PSD3: variants seen among roughly 807,000 people sequenced by gnomAD.
The protein encoded by PSD3 is pleckstrin and Sec7 domain containing 3.
In PSD3, 49 loss-of-function variants were observed where a neutral mutation model predicts 105.5. The observed-to-expected ratio is 0.46, with a 90% CI of 0.37 to 0.59. The LOEUF is 0.59. Ranked by LOEUF, PSD3 falls within the 20% of genes least tolerant of loss-of-function variation. The pLI, the probability that PSD3 is intolerant of heterozygous loss-of-function variation, is 0.00. For synonymous variants in PSD3, 557 were observed against 457.8 expected (o/e 1.22, Z -2.77); for missense variants, 1,561 against 1,263.8 (o/e 1.24, Z -3.57).
chr8:18,606,026 A>G (rs964618345), intron 11 of PSD3, among the ~76,000 whole-genome samples: 2 of 152,214 alleles, frequency 1.3e-5, no homozygotes, highest in African/African-American at 4.8e-5. Flanking sequence ...GATGAGTGTG[A>G]GAATGGACTA....
At position 19,057,314 on chromosome 8, in the gene PSD3, G is replaced by C. The variant is rs377062230; in HGVS notation, c.324+26892C>G. Among the ~76,000 whole-genome samples, 179 of 152,156 alleles carry C rather than the reference G, an allele frequency of 1.2e-3. 1 individual carries two copies. The highest frequency in any genetic ancestry group is 4.1e-3 in the African/African-American group (169 of 41,510). ...ACTGCTCTTCAGCCTACTAGAATTTGGTTTCACCCCCATCTTTCCATGGAA... is the reference window on the plus strand; with the variant it reads ...ACTGCTCTTCAGCCTACTAGAATTTCGTTTCACCCCCATCTTTCCATGGAA... On this transcript the variant is annotated intron_variant, in intron 1 of 1. Transcript: ENST00000521475.
intron 11 of PSD3, among the ~76,000 whole-genome samples, chr8:18,601,724 A>G (rs778757627): frequency 6.6e-6 from 1 of 152,256 alleles, no homozygotes; most frequent in Non-Finnish European, 1.5e-5. Flanking sequence ...TCCGTTATAA[A>G]GCAAAAAAGC....
chr8:18,879,051 AACACACACACAC>A (rs59598569), intron 2 of PSD3, among the ~76,000 whole-genome samples: 12 of 138,580 alleles, frequency 8.7e-5, no homozygotes, highest in African/African-American at 1.1e-4. Context: ...CACACACACA[AACACACACACAC>A]ACACACACAC....
chr8:18,816,820 T>C (rs1180559638), intron 4 of PSD3, among the ~76,000 whole-genome samples: 1 of 151,386 alleles, frequency 6.6e-6, no homozygotes, highest in Non-Finnish European at 1.5e-5. Context: ...CATCAACAGA[T>C]GAAAGTCCTT....
chr8:18,832,443 C>T (rs995762851), intron 4 of PSD3, among the ~76,000 whole-genome samples: 2 of 152,082 alleles, frequency 1.3e-5, no homozygotes, highest in African/African-American at 4.8e-5. Flanking sequence ...GGCTTATTGG[C>T]CACACTCCTT....
intron 4 of PSD3, chr8:18,849,133 T>C (rs551700266): frequency 2.2e-4 from 33 of 152,328 alleles, no homozygotes; most frequent in African/African-American, 7.9e-4. Flanking sequence ...TAGGTATTCA[T>C]CTACTTGTTA....
chr8:19,012,991 C>CTAATCGGTGT (rs1489196186), intron 1 of PSD3, among the ~76,000 whole-genome samples: 4 of 152,068 alleles, frequency 2.6e-5, no homozygotes, highest in African/African-American at 9.7e-5. Flanking sequence ...CCCACGTCCT[C>CTAATCGGTGT]TAATCGGTGT....
chr8:18,540,569 T>G (rs1406472292), intron 15 of PSD3, among the ~76,000 whole-genome samples: 1 of 152,212 alleles, frequency 6.6e-6, no homozygotes, highest in African/African-American at 2.4e-5. Context: ...CAGCAGGTTT[T>G]GTCCATCTAT....
intron 4 of PSD3, among the ~76,000 whole-genome samples, chr8:18,849,089 TC>T (rs1230612276): frequency 6.6e-6 from 1 of 152,170 alleles, no homozygotes; most frequent in Non-Finnish European, 1.5e-5. Context: ...CTGCCTCCAG[TC>T]CCGAAGCAGC....
At chr8:18,838,582 A>C (rs1026597427) in intron 4 of PSD3, among the ~76,000 whole-genome samples, 1 of 151,920 alleles carries the variant, frequency 6.6e-6, no homozygotes, top group African/African-American at 2.4e-5. Flanking sequence ...CGGGCGGATC[A>C]TGAGGTCAGG....
At chr8:19,084,776 T>G, upstream of PSD3, 1 of 271,406 alleles carries the variant, frequency 3.7e-6, no homozygotes, top group Non-Finnish European at 7.3e-6. Flanking sequence ...CTGAGCCCTG[T>G]GTGCGCCTGA....
rs1799477974 is a variant in PSD3, at chr8:18,527,660, G to A, written c.*8083C>T. 1 of 152,594 alleles carries A rather than the reference G, an allele frequency of 6.6e-6. No individual in the cohort carries two copies. The highest frequency in any genetic ancestry group is 2.4e-5 in the African/African-American group (1 of 41,428). 9.5% of individuals were successfully genotyped at this position (152,594 alleles called of 1,614,324 possible). ...GCAATTGTAAAATGTAAACTTAATTGTCAAAATATTCTTTAAACACTTTAA... is the reference window on the plus strand; with the variant it reads ...GCAATTGTAAAATGTAAACTTAATTATCAAAATATTCTTTAAACACTTTAA... On this transcript the variant is annotated 3_prime_UTR_variant, in exon 16 of 16. Coordinates refer to ENST00000327040, the MANE Select transcript of PSD3 (RefSeq NM_015310.4).
chr8:18,886,491 G>A (rs187770968), intron 2 of PSD3, among the ~76,000 whole-genome samples: 6 of 152,274 alleles, frequency 3.9e-5, no homozygotes, highest in African/African-American at 1.4e-4. Context: ...CGAAAGACAA[G>A]ACTAGTAAGC....
At chr8:19,053,895 A>G (rs1287033267) in intron 1 of PSD3, among the ~76,000 whole-genome samples, 1 of 152,198 alleles carries the variant, frequency 6.6e-6, no homozygotes, top group African/African-American at 2.4e-5. Context: ...TGAAATTTTG[A>G]TTTTTGTTCA....
intron 11 of PSD3, among the ~76,000 whole-genome samples, chr8:18,625,504 A>G (rs550550351): frequency 3.9e-5 from 6 of 152,266 alleles, no homozygotes; most frequent in African/African-American, 1.4e-4. Context: ...TTTAAACAGC[A>G]CTGTGTTGGC....
In PSD3 at chr8:19,061,866, C is replaced by G. The variant is rs546863624; in HGVS notation, c.324+22340G>C. On this transcript the variant is annotated intron_variant, in intron 1 of 1. Transcript: ENST00000521475. Reference sequence around the variant, plus strand: ...CATGATGAACCCAGCTTAGAATGTTCTCCTTCTTCTTCTTATCCTTATTTT... The same window carrying G: ...CATGATGAACCCAGCTTAGAATGTTGTCCTTCTTCTTCTTATCCTTATTTT... Among the ~76,000 whole-genome samples, 36 of 151,780 alleles carry G rather than the reference C, an allele frequency of 2.4e-4. No homozygotes were observed. In the South Asian group the frequency reaches 7.5e-3, roughly 32 times the overall value.
chr8:18,749,887 T>C (rs1231438068), intron 9 of PSD3, among the ~76,000 whole-genome samples: 1 of 152,106 alleles, frequency 6.6e-6, no homozygotes, highest in Non-Finnish European at 1.5e-5. Flanking sequence ...CACACAGAAC[T>C]TAATCCTTCC....
At chr8:18,579,611 G>A (rs541863261) in intron 12 of PSD3, among the ~76,000 whole-genome samples, 1 of 152,140 alleles carries the variant, frequency 6.6e-6, no homozygotes, top group East Asian at 1.9e-4. Context: ...GAAATAAAAA[G>A]CTTTTTTTCC....
At chr8:18,700,053 G>C (rs1801487956) in intron 9 of PSD3, among the ~76,000 whole-genome samples, 1 of 152,132 alleles carries the variant, frequency 6.6e-6, no homozygotes, top group African/African-American at 2.4e-5. Context: ...TCATTTGCAA[G>C]GACATTTGAA....
Sources: gnomAD v4.1 joint callset for allele counts (sites outside exome capture counted in the v4.1 genomes callset) on GRCh38, gnomAD v4.1.1 for gene constraint, MANE v1.5 for transcripts, NCBI Gene and HGNC (gene_info 2026-07-23, HGNC 2026-07-21) for gene names.